OTUD7A: variants seen among roughly 807,000 people sequenced by gnomAD.
OTUD7A encodes OTU domain-containing protein 7A.
OTUD7A carries 12 observed loss-of-function variants against 65.7 expected under a neutral mutation model. The ratio of observed to expected loss-of-function variants is 0.18; its 90% CI spans 0.12 to 0.30. OTUD7A has a LOEUF of 0.30. OTUD7A is among the 10% of genes least tolerant of loss of function. OTUD7A has a pLI of 1.00. For missense variants in OTUD7A, 1,148 were observed against 1,304.8 expected (o/e 0.88, Z 1.85); for synonymous variants, 641 against 586.3 (o/e 1.09, Z -1.35).
At chr15:31,626,916 G>T (rs1269365623) in intron 3 of OTUD7A, among the ~76,000 whole-genome samples, 1 of 146,702 alleles carries the variant, frequency 6.8e-6, no homozygotes, top group Admixed American at 6.8e-5. Flanking sequence ...TGTTTTTATG[G>T]TTTCTTTTTT....
intron 5 of OTUD7A, among the ~76,000 whole-genome samples, chr15:31,539,635 G>T (rs1329559812): frequency 6.6e-6 from 1 of 152,134 alleles, no homozygotes; most frequent in Non-Finnish European, 1.5e-5. Context: ...CTGAGTATGG[G>T]CTCTACTAGT....
chr15:31,538,543 C>A (rs1438198503), intron 5 of OTUD7A, among the ~76,000 whole-genome samples: 1 of 152,172 alleles, frequency 6.6e-6, no homozygotes, highest in Non-Finnish European at 1.5e-5. Flanking sequence ...TGACCCTTAA[C>A]AGGAGCCCTC....
intron 10 of OTUD7A, among the ~76,000 whole-genome samples, chr15:31,500,226 A>C (rs1424225907): frequency 6.6e-6 from 1 of 152,244 alleles, no homozygotes; most frequent in Non-Finnish European, 1.5e-5. Context: ...AGGTGCAGGC[A>C]TTCCGCATTC....
At chr15:31,579,933 A>C (rs567403647) in intron 3 of OTUD7A, among the ~76,000 whole-genome samples, 1 of 152,354 alleles carries the variant, frequency 6.6e-6, no homozygotes, top group Admixed American at 6.5e-5. Context: ...GTAGGGAAAA[A>C]TACAGAGAAC....
At chr15:31,758,171 C>G (rs1894865769) in intron 1 of OTUD7A, among the ~76,000 whole-genome samples, 1 of 152,114 alleles carries the variant, frequency 6.6e-6, no homozygotes. Flanking sequence ...TAGCTACCTC[C>G]TCTTAAACAC....
At chr15:31,676,599 C>A in intron 1 of OTUD7A, among the ~76,000 whole-genome samples, 1 of 152,162 alleles carries the variant, frequency 6.6e-6, no homozygotes, top group East Asian at 1.9e-4. Flanking sequence ...AGGGACGGGT[C>A]AAGAGAACCT....
At chr15:31,796,226 ATCTATCT>A (rs1895956822) in intron 1 of OTUD7A, among the ~76,000 whole-genome samples, 6 of 118,264 alleles carry the variant, frequency 5.1e-5, no homozygotes, top group Non-Finnish European at 9.4e-5. Flanking sequence ...CTATCTATCT[ATCTATCT>A]ATCATCTATC....
At chr15:31,830,932 G>A (rs1392414031) in intron 1 of OTUD7A, among the ~76,000 whole-genome samples, 1 of 152,184 alleles carries the variant, frequency 6.6e-6, no homozygotes, top group Non-Finnish European at 1.5e-5. Flanking sequence ...TAGTACAAGG[G>A]CATGGTAATC....
chr15:31,537,588 G>C (rs1175964005), intron 5 of OTUD7A, among the ~76,000 whole-genome samples: 1 of 152,224 alleles, frequency 6.6e-6, no homozygotes, highest in Non-Finnish European at 1.5e-5. Flanking sequence ...TCTAGGCTGT[G>C]AAATAGCAAC....
At chr15:31,510,194 G>C (rs2041663187) in intron 8 of OTUD7A, among the ~76,000 whole-genome samples, 1 of 151,914 alleles carries the variant, frequency 6.6e-6, no homozygotes, top group Admixed American at 6.6e-5. Context: ...TCCTGGCCCA[G>C]GGCCATCACT....
At chr15:31,530,018 G>T (rs748669312) in intron 6 of OTUD7A, among the ~76,000 whole-genome samples, 1 of 152,180 alleles carries the variant, frequency 6.6e-6, no homozygotes, top group Admixed American at 6.5e-5. Context: ...GAAAGTCGAT[G>T]ATGATCCTCA....
rs370001063 is a variant in OTUD7A, at chr15:31,515,569, CCTAT to C, written c.893+10776_893+10779del. Among the ~76,000 whole-genome samples the C allele has an allele frequency of 3.9e-3, 595 of 152,132 alleles. 9 individuals carry two copies. Among genetic ancestry groups the C allele is most frequent in the African/African-American group, 0.013 (545 of 41,444 alleles). Reference sequence around the variant, plus strand: ...ATCTACCAACCTATCCATCCTTCTTCCTATCTATCTATCCATCCATTCATCCATC... The same window carrying C: ...ATCTACCAACCTATCCATCCTTCTTCCTATCTATCCATCCATTCATCCATC... On this transcript the variant is annotated intron_variant, in intron 8 of 12. Transcript: ENST00000307050.
intron 1 of OTUD7A, among the ~76,000 whole-genome samples, chr15:31,840,298 T>C (rs1385020421): frequency 1.3e-5 from 2 of 151,846 alleles, no homozygotes; most frequent in Non-Finnish European, 2.9e-5. Flanking sequence ...ATTAGCTGGG[T>C]ATGGTGGCGC....
intron 3 of OTUD7A, among the ~76,000 whole-genome samples, chr15:31,574,196 TA>T (rs1180545506): frequency 6.6e-6 from 1 of 152,108 alleles, no homozygotes; most frequent in African/African-American, 2.4e-5. Flanking sequence ...TACTAGTGGT[TA>T]AAAAAGTAAC....
At chr15:31,589,388 C>T (rs1889648778) in intron 3 of OTUD7A, among the ~76,000 whole-genome samples, 1 of 150,910 alleles carries the variant, frequency 6.6e-6, no homozygotes, top group Admixed American at 6.6e-5. Flanking sequence ...CAACCTCTGC[C>T]TCCCAGGTTC....
rs1372640358 is a variant in OTUD7A, at chr15:31,870,517, G to C, written c.-110C>G. The C allele has an allele frequency of 6.7e-6, 1 of 148,704 alleles. No homozygotes were observed. Among genetic ancestry groups the C allele is most frequent in the Non-Finnish European group, 1.5e-5 (1 of 66,852 alleles). The allele number at this position is 148,704 out of a possible 1,614,324, so 9.2% of individuals were successfully genotyped here. ...CCAGCGCCGTCTTACCTGCCGCGCCGCGCCGCTCCGCTCCGCCAGCCCGCA... is the reference window on the plus strand; with the variant it reads ...CCAGCGCCGTCTTACCTGCCGCGCCCCGCCGCTCCGCTCCGCCAGCCCGCA... On this transcript the variant is annotated 5_prime_UTR_variant, in exon 1 of 13. Transcript: ENST00000307050.
At chr15:31,840,984 G>C (rs991813947) in intron 1 of OTUD7A, among the ~76,000 whole-genome samples, 2 of 152,140 alleles carry the variant, frequency 1.3e-5, no homozygotes, top group East Asian at 3.9e-4. Context: ...CTGCTGCTGA[G>C]GAATGCCGTC....
intron 12 of OTUD7A, among the ~76,000 whole-genome samples, chr15:31,485,595 G>C (rs2041225905): frequency 2.0e-5 from 3 of 152,164 alleles, no homozygotes; most frequent in African/African-American, 7.2e-5. Flanking sequence ...AGGTGGGAGA[G>C]CAGAGAGGCA....
intron 1 of OTUD7A, among the ~76,000 whole-genome samples, chr15:31,789,872 A>G (rs1332605397): frequency 3.3e-5 from 5 of 152,236 alleles, no homozygotes; most frequent in South Asian, 2.1e-4. Flanking sequence ...CCCTATCTCT[A>G]CTAAAAATAC....
Sources: gnomAD v4.1 joint callset for allele counts (sites outside exome capture counted in the v4.1 genomes callset) on GRCh38, gnomAD v4.1.1 for gene constraint, MANE v1.5 for transcripts, NCBI Gene and HGNC (gene_info 2026-07-23, HGNC 2026-07-21) for gene names.